The following SQSTM1 variants were observed in gnomAD, a reference collection of about 807,000 sequenced individuals.
SQSTM1 encodes sequestosome-1.
A neutral mutation model predicts 45.1 loss-of-function variants in SQSTM1; 36 were observed. That is an observed-to-expected ratio of 0.80 (90% CI 0.61 to 1.05). The LOEUF is 1.05. Ranked by LOEUF, SQSTM1 falls within the 50% of genes least tolerant of loss-of-function variation. The pLI, the probability that SQSTM1 is intolerant of heterozygous loss-of-function variation, is 0.00. For synonymous variants in SQSTM1, 290 were observed against 244.3 expected (o/e 1.19, Z -1.74); for missense variants, 617 against 607.1 (o/e 1.02, Z -0.17).
At chr5:179,832,436 A>G (rs903628698) in intron 5 of SQSTM1, among the ~76,000 whole-genome samples, 1 of 152,212 alleles carries the variant, frequency 6.6e-6, no homozygotes, top group Non-Finnish European at 1.5e-5. Context: ...TGCACGGCCC[A>G]TCCACCTCCC....
At position 179,808,618 on chromosome 5, in the gene SQSTM1, C is replaced by A. The variant is rs555085685; in HGVS notation, c.-157+2027C>A. ...GAATCACGAGGTCAGGAGATCGAGA[C>A]CATCCTGGCTAACACGGTGAAACCC... On this transcript the variant is annotated intron_variant, in intron 1 of 5. Transcript: ENST00000514093. 3.3e-4 allele frequency among the ~76,000 whole-genome samples: 50 copies of A among 151,104 alleles called. No individual in the cohort carries two copies. In the Middle Eastern group the frequency reaches 0.014, roughly 42 times the overall value.
upstream of SQSTM1, chr5:179,820,604 G>A (rs1426399579): frequency 3.8e-6 from 1 of 262,722 alleles, no homozygotes; most frequent in Non-Finnish European, 7.2e-6. Flanking sequence ...CTGGACCCCC[G>A]CCAGTACCCT....
chr5:179,825,275 A>C, intron 5 of SQSTM1, 49 bp downstream of exon 5: 1 of 1,479,752 alleles, frequency 6.8e-7, no homozygotes, highest in South Asian at 1.1e-5. Flanking sequence ...CCTGCACTTT[A>C]TGTAACTTTC....
In SQSTM1 at chr5:179,820,983, C is replaced by T. The variant is rs1554162295; in HGVS notation, c.47C>T (p.Ala16Val). Residue 16 changes from alanine (A) to valine (V), a missense_variant, in exon 1 of 8, where the codon GCG becomes GTG. Coordinates refer to ENST00000389805, the MANE Select transcript of SQSTM1 (RefSeq NM_003900.5). Reference protein sequence around the residue: ...VKAYLLGKEDAAREIRRFSFC... With the variant: ...VKAYLLGKEDVAREIRRFSFC... ...GCCTACCTTCTGGGCAAGGAGGACGCGGCGCGCGAGATTCGCCGCTTCAGC... is the reference window on the plus strand; with the variant it reads ...GCCTACCTTCTGGGCAAGGAGGACGTGGCGCGCGAGATTCGCCGCTTCAGC... The T allele has an allele frequency of 1.3e-6, 2 of 1,574,492 alleles. No homozygotes were observed. Among genetic ancestry groups the T allele is most frequent in the Non-Finnish European group, 8.6e-7 (1 of 1,169,222 alleles).
In SQSTM1 at chr5:179,833,678, A is replaced by G; in HGVS notation, c.1061A>G (p.Gln354Arg). ...GTGGACCCGTCTACAGGTGAACTCC[A>G]GTCCCTACAGATGCCAGAATCCGAA... The part of the protein sequence containing the change: ...KEVDPSTGEL[Q>R]SLQMPESEGP... Residue 354 changes from glutamine (Q) to arginine (R), a missense_variant, in exon 7 of 8, where the codon CAG becomes CGG. Gln to Arg is a conservative substitution (Grantham distance 43). Coordinates refer to ENST00000389805, the MANE Select transcript of SQSTM1 (RefSeq NM_003900.5). 4 of 1,614,188 alleles carry G rather than the reference A, an allele frequency of 2.5e-6. No homozygotes were observed. Among genetic ancestry groups the G allele is most frequent in the South Asian group, 1.1e-5 (1 of 91,088 alleles).
Position 179,837,425 on chromosome 5 carries a change from A to G in SQSTM1, c.*832A>G, listed in dbSNP as rs748178902. 2.5e-6 allele frequency: 4 copies of G among 1,604,168 alleles called. No individual in the cohort carries two copies. Among genetic ancestry groups the G allele is most frequent in the East Asian group, 2.2e-5 (1 of 44,760 alleles). On this transcript the variant is annotated 3_prime_UTR_variant, in exon 8 of 8. Coordinates refer to ENST00000389805, the MANE Select transcript of SQSTM1 (RefSeq NM_003900.5). ...ATCATCGAAGTCTTCCCCAGTTATAAAGAGGTCACATAGTCGTGTGGGTCG... is the reference window on the plus strand; with the variant it reads ...ATCATCGAAGTCTTCCCCAGTTATAGAGAGGTCACATAGTCGTGTGGGTCG...
In SQSTM1 at chr5:179,836,464, C is replaced by T. The variant is rs770396685; in HGVS notation, c.1194C>T (p.Leu398=). Residue 398 remains leucine, a synonymous_variant, in exon 8 of 8, where the codon CTC becomes CTT. Transcript: ENST00000389805. ...CTGACCCGCGGCTGATTGAGTCCCT[C>T]TCCCAGATGCTGTCCATGGGCTTCT... ...PEADPRLIES[L]SQMLSMGFSD... The T allele has an allele frequency of 3.1e-6, 5 of 1,614,228 alleles. No homozygotes were observed. Among genetic ancestry groups the T allele is most frequent in the Non-Finnish European group, 4.2e-6 (5 of 1,180,036 alleles).
Position 179,837,033 on chromosome 5 carries a change from G to C in SQSTM1, c.*440G>C. 1 of 637,758 alleles carries C rather than the reference G, an allele frequency of 1.6e-6. No individual in the cohort carries two copies. The highest frequency in any genetic ancestry group is 2.7e-5 in the East Asian group (1 of 36,812). The allele number at this position is 637,758 out of a possible 1,614,324, so 39.5% of individuals were successfully genotyped here. ...AAAGTAAGCCTAGGTGTTGTCAGCA[G>C]GCAGGCTGGGGAGGCCAGTGTTGTG... On this transcript the variant is annotated 3_prime_UTR_variant, in exon 8 of 8. Transcript: ENST00000389805.
intron 2 of SQSTM1, chr5:179,812,662 T>G (rs1228229080): frequency 6.6e-6 from 1 of 152,308 alleles, no homozygotes; most frequent in East Asian, 1.9e-4. Flanking sequence ...AGAGGTGCAG[T>G]GCAGCAGCCA....
At position 179,806,470 on chromosome 5, in the gene SQSTM1, G is replaced by A; in HGVS notation, c.-278G>A. ...CCCAGGTGCGCCAGGTGCGGGCCGG[G>A]CGGGGGTCGCGCTCACCTTTCTGGC... On this transcript the variant is annotated 5_prime_UTR_variant, in exon 1 of 6. Transcript: ENST00000514093. This position sits in a 1 kb window ranked among gnomAD's most constrained non-coding sequence, Gnocchi z 4.6. 1 of 1,266,794 alleles carries A rather than the reference G, an allele frequency of 7.9e-7. No homozygotes were observed. The highest frequency in any genetic ancestry group is 1.7e-5 in the South Asian group (1 of 57,684). 78.5% of individuals were successfully genotyped at this position (1,266,794 alleles called of 1,614,324 possible). A position where few individuals can be genotyped will look rare whatever the true frequency, so the allele number is the denominator to read the frequency against.
At position 179,824,265 on chromosome 5, in the gene SQSTM1, C is replaced by T. The variant is rs771036207; in HGVS notation, c.615C>T (p.Asn205=). The change falls in exon 4 of 8, where the codon AAC becomes AAT. Residue 205 remains asparagine (N), a synonymous_variant. Transcript: ENST00000389805. ...GATGGGAAATGGGTCCACCAGGAAA[C>T]TGGAGCCCACGTCCTCCTCGTGCAG... ...WPGWEMGPPG[N]WSPRPPRAGE... The T allele has an allele frequency of 1.9e-6, 3 of 1,613,846 alleles. No homozygotes were observed. The highest frequency in any genetic ancestry group is 2.5e-6 in the Non-Finnish European group (3 of 1,180,042).
intron 6 of SQSTM1, 136 bp from the exon 7 acceptor site, chr5:179,833,451 G>GT (rs1434502963): frequency 7.6e-6 from 8 of 1,051,064 alleles, no homozygotes; most frequent in Non-Finnish European, 1.1e-5. Context: ...AGTGGCCACT[G>GT]TTCCCCCTAG....
chr5:179,822,869 C>T lies in SQSTM1; in HGVS notation c.206-89C>T, dbSNP rs1245577903. 4 of 1,078,958 alleles carry T rather than the reference C, an allele frequency of 3.7e-6. No homozygotes were observed. In the African/African-American group the frequency reaches 4.6e-5, roughly 13 times the overall value. 66.8% of individuals were successfully genotyped at this position (1,078,958 alleles called of 1,614,324 possible). On this transcript the variant is annotated intron_variant, in intron 1 of 7. Coordinates refer to ENST00000389805, the MANE Select transcript of SQSTM1 (RefSeq NM_003900.5). ...TGTTTGTTTATAGCCCTGTGAGTGT[C>T]CCTTTCATACTTGCCTCAGCCCATT...
At chr5:179,821,550 G>T (rs1439432662) in intron 1 of SQSTM1, 1 of 472,656 alleles carries the variant, frequency 2.1e-6, no homozygotes, top group African/African-American at 2.0e-5. Flanking sequence ...TGCTGCGCCA[G>T]GTGGTGGGTT....
rs758452325 is a variant in SQSTM1 at position 179,836,442 on chromosome 5, A to G, written c.1172A>G (p.Asp391Gly). 10 of 1,614,008 alleles carry G rather than the reference A, an allele frequency of 6.2e-6. No homozygotes were observed. In the South Asian group the frequency reaches 7.7e-5, roughly 12 times the overall value. The change falls in exon 8 of 8, where the codon GAC becomes GGC. Residue 391 changes from aspartate (D) to glycine (G), a missense_variant. Physicochemically the swap from Asp to Gly is moderately conservative, Grantham distance 94. Transcript: ENST00000389805. Reference protein sequence around the residue: ...ALYPHLPPEADPRLIESLSQM... With the variant: ...ALYPHLPPEAGPRLIESLSQM... ...TTCCTTACTGTTTCGGCAGAGGCTGACCCGCGGCTGATTGAGTCCCTCTCC... is the reference window on the plus strand; with the variant it reads ...TTCCTTACTGTTTCGGCAGAGGCTGGCCCGCGGCTGATTGAGTCCCTCTCC...
At chr5:179,813,900 CT>C (rs1757507088), upstream of SQSTM1, among the ~76,000 whole-genome samples, 2 of 152,222 alleles carry the variant, frequency 1.3e-5, no homozygotes, top group African/African-American at 4.8e-5. Flanking sequence ...TGTCACAAAA[CT>C]AGCATATTAT....
chr5:179,824,150 A>G (rs747411022), intron 3 of SQSTM1, 32 bp from the exon 4 acceptor site: 2 of 1,613,524 alleles, frequency 1.2e-6, no homozygotes, highest in South Asian at 1.1e-5. Flanking sequence ...TGACCCGCTC[A>G]CTGCCTGCCG....
Position 179,837,862 on chromosome 5 carries a change from C to A in SQSTM1, c.*1269C>A. ...GGCAGGGGCTGCTGCCTTGTTTCAC[C>A]TTCCATGTCAGGCCAGCCTGTCCCT... On this transcript the variant is annotated 3_prime_UTR_variant, in exon 8 of 8. Transcript: ENST00000389805. 1 of 1,608,314 alleles carries A rather than the reference C, an allele frequency of 6.2e-7. No homozygotes were observed. Among genetic ancestry groups the A allele is most frequent in the Non-Finnish European group, 8.5e-7 (1 of 1,179,682 alleles).
upstream of SQSTM1, among the ~76,000 whole-genome samples, chr5:179,819,789 C>A (rs1000834877): frequency 2.0e-5 from 3 of 152,174 alleles, no homozygotes; most frequent in Non-Finnish European, 4.4e-5. Flanking sequence ...CACTTCGGAG[C>A]CCTCCGGGAA....
Sources: gnomAD v4.1 joint callset for allele counts (sites outside exome capture counted in the v4.1 genomes callset) on GRCh38, gnomAD v4.1.1 for gene constraint, Gnocchi (gnomAD v3.1) non-coding constraint, MANE v1.5 for transcripts, NCBI Gene and HGNC (gene_info 2026-07-23, HGNC 2026-07-21) for gene names.